PLPPR1: variants seen among roughly 807,000 people sequenced by gnomAD.
PLPPR1 encodes phospholipid phosphatase-related protein type 1.
Under a neutral mutation model 33.1 loss-of-function variants are expected in PLPPR1, and 10 were observed. The observed-to-expected ratio is 0.30, with a 90% CI of 0.19 to 0.51. The LOEUF (loss-of-function observed/expected upper bound fraction) is 0.51. Ranked by LOEUF, PLPPR1 falls within the 20% of genes least tolerant of loss-of-function variation. The pLI is 0.97. For missense variants in PLPPR1, 304 were observed against 408.1 expected (o/e 0.74, Z 2.20); for synonymous variants, 151 against 151.0 (o/e 1.00, Z 0.00).
At chr9:101,267,856 TA>T (rs1408073408) in intron 2 of PLPPR1, among the ~76,000 whole-genome samples, 1 of 152,188 alleles carries the variant, frequency 6.6e-6, no homozygotes, top group Admixed American at 6.5e-5. Flanking sequence ...ATCTCTGTTA[TA>T]ATGTGTCTCA....
intron 2 of PLPPR1, among the ~76,000 whole-genome samples, chr9:101,225,086 T>C (rs1431586130): frequency 6.6e-6 from 1 of 152,196 alleles, no homozygotes; most frequent in Non-Finnish European, 1.5e-5. Context: ...AATTAGCCTA[T>C]GGTAAAATTG....
intron 7 of PLPPR1, among the ~76,000 whole-genome samples, chr9:101,320,643 G>C (rs749724319): frequency 1.3e-5 from 2 of 152,196 alleles, no homozygotes; most frequent in Non-Finnish European, 2.9e-5. Flanking sequence ...CGTGAAAAAT[G>C]CAAGTCACCA....
At position 101,269,931 on chromosome 9, in the gene PLPPR1, G is replaced by A; in HGVS notation, c.115G>A (p.Asp39Asn). The change falls in exon 3 of 8, where the codon GAC becomes AAC. Residue 39 changes from aspartate to asparagine, a missense_variant. By Grantham distance (23) the Asp-to-Asn change is conservative (BLOSUM62 1). Transcript: ENST00000374874. Reference protein sequence around the residue: ...VLLAYYFECTDTFQVHIQGFF... With the variant: ...VLLAYYFECTNTFQVHIQGFF... The stretch of plus-strand genomic sequence containing the variant: ...GCTTGCCTACTACTTCGAATGCACT[G>A]ACACTTTTCAGGTGCATATCCAAGG... 1 of 1,614,172 alleles carries A rather than the reference G, an allele frequency of 6.2e-7. No individual in the cohort carries two copies. Among genetic ancestry groups the A allele is most frequent in the Non-Finnish European group, 8.5e-7 (1 of 1,180,016 alleles).
intron 1 of PLPPR1, among the ~76,000 whole-genome samples, chr9:101,047,802 G>A (rs1830171327): frequency 6.6e-6 from 1 of 152,162 alleles, no homozygotes; most frequent in African/African-American, 2.4e-5. Flanking sequence ...GCTCAAAACA[G>A]TAGTCTGTTT....
At chr9:101,300,735 C>G (rs551383573) in intron 4 of PLPPR1, among the ~76,000 whole-genome samples, 18 of 152,308 alleles carry the variant, frequency 1.2e-4, no homozygotes, top group Middle Eastern at 3.4e-3. Context: ...CTCTTGGTAG[C>G]TACATTTTTT....
At chr9:101,161,011 G>T (rs1175191425) in intron 1 of PLPPR1, among the ~76,000 whole-genome samples, 1 of 152,094 alleles carries the variant, frequency 6.6e-6, no homozygotes, top group African/African-American at 2.4e-5. Flanking sequence ...GTGCTTCAAT[G>T]AATAGCATTA....
At chr9:101,263,136 C>G in intron 2 of PLPPR1, among the ~76,000 whole-genome samples, 1 of 151,956 alleles carries the variant, frequency 6.6e-6, no homozygotes, top group African/African-American at 2.4e-5. Flanking sequence ...ACATGTATCC[C>G]AGAACTTAAA....
chr9:101,311,428 T>G (rs1387260353), intron 5 of PLPPR1, among the ~76,000 whole-genome samples: 1 of 152,224 alleles, frequency 6.6e-6, no homozygotes, highest in Non-Finnish European at 1.5e-5. Context: ...AAGTACTGGT[T>G]AATACTATGA....
chr9:101,038,190 T>A (rs1157711143), intron 1 of PLPPR1, among the ~76,000 whole-genome samples: 1 of 152,152 alleles, frequency 6.6e-6, no homozygotes, highest in Non-Finnish European at 1.5e-5. Context: ...TTAGCTATAA[T>A]TTCAAATAGA....
intron 1 of PLPPR1, among the ~76,000 whole-genome samples, chr9:101,182,486 C>G (rs917636003): frequency 6.6e-6 from 1 of 151,692 alleles, no homozygotes; most frequent in African/African-American, 2.4e-5. Flanking sequence ...CATTATACCT[C>G]ATAAATATAT....
intron 1 of PLPPR1, among the ~76,000 whole-genome samples, chr9:101,100,043 C>CT (rs1830877834): frequency 6.6e-6 from 1 of 151,932 alleles, no homozygotes; most frequent in Admixed American, 6.6e-5. Flanking sequence ...TATTTTCTTT[C>CT]TTTCTTTTTC....
chr9:101,237,742 T>C (rs1420896704), intron 2 of PLPPR1, among the ~76,000 whole-genome samples: 1 of 143,816 alleles, frequency 7.0e-6, no homozygotes, highest in Non-Finnish European at 1.5e-5. Context: ...AGCCTATATA[T>C]ATATATACAT....
chr9:101,073,161 G>A (rs1044115922), intron 1 of PLPPR1, among the ~76,000 whole-genome samples: 3 of 152,176 alleles, frequency 2.0e-5, no homozygotes, highest in South Asian at 2.1e-4. Context: ...GTATAGCATG[G>A]TGATACTTTA....
chr9:101,158,834 T>C (rs1469037956), intron 1 of PLPPR1, among the ~76,000 whole-genome samples: 2 of 148,662 alleles, frequency 1.3e-5, no homozygotes, highest in Non-Finnish European at 2.9e-5. Flanking sequence ...CAGCTGGGAG[T>C]TGGGCCAGAT....
chr9:101,180,940 A>C (rs1826099388), intron 1 of PLPPR1, among the ~76,000 whole-genome samples: 1 of 151,814 alleles, frequency 6.6e-6, no homozygotes, highest in Admixed American at 6.6e-5. Context: ...TAGAGTTAAG[A>C]GACAACCTAC....
At chr9:101,276,465 C>A (rs1828198127) in intron 3 of PLPPR1, among the ~76,000 whole-genome samples, 1 of 152,034 alleles carries the variant, frequency 6.6e-6, no homozygotes, top group Admixed American at 6.6e-5. Context: ...CTTCAATATA[C>A]CCCTCCTAAT....
intron 2 of PLPPR1, among the ~76,000 whole-genome samples, chr9:101,264,201 C>T (rs1038934133): frequency 6.6e-6 from 1 of 152,150 alleles, no homozygotes; most frequent in Admixed American, 6.5e-5. Context: ...GTGCTATTCC[C>T]TGGTGTCCTG....
intron 2 of PLPPR1, among the ~76,000 whole-genome samples, chr9:101,265,300 A>C (rs1328665358): frequency 6.6e-6 from 1 of 152,198 alleles, no homozygotes; most frequent in Non-Finnish European, 1.5e-5. Context: ...GGAAAGCAAC[A>C]GCTGAGGAAA....
intron 5 of PLPPR1, among the ~76,000 whole-genome samples, 154 bp downstream of exon 5, chr9:101,309,615 CCA>C (rs1491183850): frequency 2.1e-4 from 32 of 152,014 alleles, no homozygotes; most frequent in Non-Finnish European, 3.5e-4. Context: ...ACTAGCCCCC[CCA>C]CACACACACT....
Sources: gnomAD v4.1 joint callset for allele counts (sites outside exome capture counted in the v4.1 genomes callset) on GRCh38, gnomAD v4.1.1 for gene constraint, MANE v1.5 for transcripts, NCBI Gene and HGNC (gene_info 2026-07-23, HGNC 2026-07-21) for gene names.